Variants in CDYL2 observed in about 807,000 individuals in gnomAD.
CDYL2 encodes chromodomain Y like 2, also known as chromodomain Y-like protein 2.
Under a neutral mutation model 49.4 loss-of-function variants are expected in CDYL2, and 23 were observed. The ratio of observed to expected loss-of-function variants is 0.47; its 90% CI spans 0.34 to 0.66. The LOEUF (loss-of-function observed/expected upper bound fraction) is 0.66, where lower values mean the gene tolerates loss of function less well. Ranked by LOEUF, CDYL2 falls within the 30% of genes least tolerant of loss-of-function variation. CDYL2 has a pLI of 0.01. For missense variants in CDYL2, 678 were observed against 656.4 expected, an observed-to-expected ratio of 1.03 and a Z score of -0.36; for synonymous variants, 360 against 268.8, an observed-to-expected ratio of 1.34 and a Z score of -3.32.
intron 1 of CDYL2, among the ~76,000 whole-genome samples, chr16:80,688,793 G>C (rs915833489): frequency 7.9e-5 from 12 of 152,318 alleles, no homozygotes; most frequent in Middle Eastern, 3.4e-3. Flanking sequence ...AAAAGCCCAA[G>C]TCGTTTAGGA....
chr16:80,684,996 T>A lies in CDYL2; in HGVS notation c.158A>T (p.Asp53Val). 1 of 1,614,164 alleles carries A rather than the reference T, an allele frequency of 6.2e-7. No homozygotes were observed. Among genetic ancestry groups the A allele is most frequent in the Non-Finnish European group, 8.5e-7 (1 of 1,180,036 alleles). The change falls in exon 2 of 7, where the codon GAT (aspartate) becomes GTT (valine). Residue 53 changes from aspartate (D) to valine (V), a missense_variant. Around this residue, in one of 3 missense-constraint regions of CDYL2, gnomAD observed 478 missense variants for 427.0 expected, o/e 1.12. Coordinates refer to ENST00000570137, the MANE Select transcript of CDYL2 (RefSeq NM_152342.4). ...HHLLHCEEFI[D>V]EFNGLHMSKD... is the part of the protein sequence containing the mutation. ...GGACATGTGCAACCCATTGAATTCA[T>A]CAATAAACTCCTCACAGTGCAAGAG...
intron 1 of CDYL2, among the ~76,000 whole-genome samples, chr16:80,686,019 C>A (rs1380261643): frequency 6.6e-6 from 1 of 152,208 alleles, no homozygotes; most frequent in Admixed American, 6.5e-5. Flanking sequence ...TCACATGTCC[C>A]TGTGGGTGTA....
intron 2 of CDYL2, among the ~76,000 whole-genome samples, chr16:80,635,634 C>T (rs959358691): frequency 6.6e-6 from 1 of 152,210 alleles, no homozygotes; most frequent in Non-Finnish European, 1.5e-5. Flanking sequence ...AATGGCCCTA[C>T]TGCTCAAAGT....
chr16:80,792,261 G>A (rs1019166936), intron 1 of CDYL2, among the ~76,000 whole-genome samples: 10 of 152,162 alleles, frequency 6.6e-5, no homozygotes, highest in Admixed American at 2.6e-4. Flanking sequence ...ATAGTACAAT[G>A]AAAGAACAGA....
intron 1 of CDYL2, among the ~76,000 whole-genome samples, chr16:80,713,682 A>C (rs1345216879): frequency 6.6e-6 from 1 of 152,130 alleles, no homozygotes; most frequent in Non-Finnish European, 1.5e-5. Context: ...GGTAGGGTCT[A>C]TGCCCCCTCC....
At chr16:80,804,940 G>T (rs1437149664), upstream of CDYL2, among the ~76,000 whole-genome samples, 1 of 152,088 alleles carries the variant, frequency 6.6e-6, no homozygotes, top group African/African-American at 2.4e-5. Context: ...CCGCCTGGGA[G>T]ACCTGGCCCC....
At chr16:80,751,914 T>C (rs1037284723) in intron 1 of CDYL2, among the ~76,000 whole-genome samples, 1 of 152,178 alleles carries the variant, frequency 6.6e-6, no homozygotes, top group Non-Finnish European at 1.5e-5. Context: ...TCTCAGGAGA[T>C]GGGCTGAGTG....
intron 1 of CDYL2, among the ~76,000 whole-genome samples, chr16:80,731,977 C>T (rs1905342277): frequency 1.3e-5 from 2 of 151,150 alleles, no homozygotes; most frequent in Admixed American, 1.3e-4. Flanking sequence ...GACAGAGATG[C>T]ACTAGGCCGC....
At chr16:80,728,491 G>C (rs888530360) in intron 1 of CDYL2, among the ~76,000 whole-genome samples, 5 of 152,216 alleles carry the variant, frequency 3.3e-5, no homozygotes, top group Middle Eastern at 3.4e-3. Context: ...TGAAAGTGAT[G>C]GGGAGAATGG....
chr16:80,726,825 T>A (rs778987170), intron 1 of CDYL2, among the ~76,000 whole-genome samples: 1 of 151,620 alleles, frequency 6.6e-6, no homozygotes, highest in Non-Finnish European at 1.5e-5. Flanking sequence ...TGGTGGCTCA[T>A]GCCTATAATC....
intron 1 of CDYL2, among the ~76,000 whole-genome samples, chr16:80,731,207 A>T (rs1286067469): frequency 6.6e-6 from 1 of 151,936 alleles, no homozygotes; most frequent in Non-Finnish European, 1.5e-5. Context: ...TAAAAAAGGA[A>T]TATTAACAAA....
At chr16:80,794,259 C>G (rs1000368560) in intron 1 of CDYL2, among the ~76,000 whole-genome samples, 10 of 152,204 alleles carry the variant, frequency 6.6e-5, no homozygotes, top group African/African-American at 2.2e-4. Context: ...TACACCATGT[C>G]TAGAACATTC....
intron 2 of CDYL2, among the ~76,000 whole-genome samples, chr16:80,684,217 G>C (rs1910083276): frequency 6.6e-6 from 1 of 152,186 alleles, no homozygotes; most frequent in Non-Finnish European, 1.5e-5. Context: ...GTGAGGACTT[G>C]AGCTGCCCTC....
chr16:80,804,232 C>T lies in CDYL2; in HGVS notation c.-59G>A. On this transcript the variant is annotated 5_prime_UTR_variant, in exon 1 of 7. Transcript: ENST00000570137. Reference sequence around the variant, plus strand: ...CGTCTGCTCGCTCGCGCCCTCCGTGCGTGTGCGCGCGGGGTCCGGTGTGCG... The same window carrying T: ...CGTCTGCTCGCTCGCGCCCTCCGTGTGTGTGCGCGCGGGGTCCGGTGTGCG... The T allele has an allele frequency of 3.0e-6, 4 of 1,320,308 alleles. No individual in the cohort carries two copies. Among genetic ancestry groups the T allele is most frequent in the East Asian group, 4.0e-5 (1 of 25,218 alleles). 81.8% of individuals were successfully genotyped at this position (1,320,308 alleles called of 1,614,324 possible).
At chr16:80,783,414 G>A (rs903444945) in intron 1 of CDYL2, among the ~76,000 whole-genome samples, 5 of 152,118 alleles carry the variant, frequency 3.3e-5, no homozygotes, top group Admixed American at 6.6e-5. Context: ...TTGCTGCTAT[G>A]GGTGTAAAAT....
chr16:80,652,036 A>T (rs1158134429), intron 2 of CDYL2, among the ~76,000 whole-genome samples: 1 of 152,192 alleles, frequency 6.6e-6, no homozygotes, highest in East Asian at 1.9e-4. Context: ...TGCATACAGA[A>T]ATATCTATAG....
At chr16:80,702,891 A>T (rs1904310358) in intron 1 of CDYL2, among the ~76,000 whole-genome samples, 1 of 152,220 alleles carries the variant, frequency 6.6e-6, no homozygotes, top group African/African-American at 2.4e-5. Context: ...TGCATGAGTG[A>T]GCCCAGATGA....
intron 1 of CDYL2, among the ~76,000 whole-genome samples, chr16:80,778,153 A>G (rs904655862): frequency 6.6e-6 from 1 of 152,050 alleles, no homozygotes; most frequent in African/African-American, 2.4e-5. Context: ...CTAGCTGTAG[A>G]AACTTTAACA....
rs531598870 is a variant in CDYL2, at chr16:80,652,919, G to T, written c.617-19683C>A. 5.9e-5 allele frequency among the ~76,000 whole-genome samples: 9 copies of T among 152,230 alleles called. No homozygotes were observed. The East Asian group carries it at 1.7e-3, about 29-fold the overall frequency. On this transcript the variant is annotated intron_variant, in intron 2 of 6. Transcript: ENST00000570137. ...AGCCTGAGAAACTGTCAGCCCAGAGGGGCTAAGGAGGCATGATTAAACATA... is the reference window on the plus strand; with the variant it reads ...AGCCTGAGAAACTGTCAGCCCAGAGTGGCTAAGGAGGCATGATTAAACATA...
Sources: gnomAD v4.1 joint callset for allele counts (sites outside exome capture counted in the v4.1 genomes callset) on GRCh38, gnomAD v4.1.1 for gene constraint, gnomAD v4.1.1 regional missense constraint, MANE v1.5 for transcripts, NCBI Gene and HGNC (gene_info 2026-07-23, HGNC 2026-07-21) for gene names.